Variants in CPQ observed in about 807,000 individuals in gnomAD.
The protein encoded by CPQ is carboxypeptidase Q.
A neutral mutation model predicts 45.7 loss-of-function variants in CPQ; 37 were observed. The ratio of observed to expected loss-of-function variants is 0.81; its 90% confidence interval spans 0.62 to 1.07. The LOEUF is 1.07. Ranked by LOEUF, CPQ falls within the 50% of genes least tolerant of loss-of-function variation. The pLI, the probability that CPQ is intolerant of heterozygous loss-of-function variation, is 0.00. For synonymous variants in CPQ, 186 were observed against 205.8 expected (o/e 0.90, Z 0.82); for missense variants, 537 against 572.9 (o/e 0.94, Z 0.64).
intron 5 of CPQ, among the ~76,000 whole-genome samples, chr8:96,970,718 C>T (rs978661326): frequency 2.0e-5 from 3 of 152,116 alleles, no homozygotes; most frequent in East Asian, 3.9e-4. Flanking sequence ...CGCCCGCTAC[C>T]ACGCCCGGCT....
At chr8:96,701,864 C>T (rs2130746237) in intron 1 of CPQ, among the ~76,000 whole-genome samples, 1 of 152,284 alleles carries the variant, frequency 6.6e-6, no homozygotes, top group South Asian at 2.1e-4. Context: ...TTTGTTTGTG[C>T]AATAGCTGTT....
chr8:96,645,726 C>CA (rs1563690732), intron 1 of CPQ, among the ~76,000 whole-genome samples: 2 of 151,982 alleles, frequency 1.3e-5, no homozygotes, highest in African/African-American at 4.8e-5. Flanking sequence ...GTTTCACTTC[C>CA]CCTCAGCTCC....
At chr8:96,761,392 T>G (rs1810403760) in intron 1 of CPQ, 1 of 152,234 alleles carries the variant, frequency 6.6e-6, no homozygotes, top group African/African-American at 2.4e-5. Flanking sequence ...GCGCCCTTAG[T>G]GTTCCTCTCC....
intron 4 of CPQ, among the ~76,000 whole-genome samples, chr8:96,882,870 A>T (rs78527492): frequency 6.6e-6 from 1 of 152,228 alleles, no homozygotes; most frequent in Non-Finnish European, 1.5e-5. Context: ...CCACTACTAC[A>T]ATTATAATAT....
intron 5 of CPQ, among the ~76,000 whole-genome samples, chr8:97,016,817 T>A (rs535560717): frequency 8.5e-5 from 13 of 152,152 alleles, no homozygotes; most frequent in South Asian, 6.2e-4. Context: ...TAACATGGCC[T>A]GTTCAGGGAC....
chr8:96,872,303 C>T (rs139735569), intron 3 of CPQ, among the ~76,000 whole-genome samples: 1 of 151,932 alleles, frequency 6.6e-6, no homozygotes. Flanking sequence ...TTTTGACTGC[C>T]ACTGGCCACA....
chr8:96,700,589 T>C (rs956230507), intron 1 of CPQ, among the ~76,000 whole-genome samples: 3 of 152,086 alleles, frequency 2.0e-5, no homozygotes, highest in South Asian at 2.1e-4. Context: ...TAGCACCACA[T>C]TGGTAAAGAC....
At chr8:96,990,762 A>C (rs191307173) in intron 5 of CPQ, among the ~76,000 whole-genome samples, 1 of 152,342 alleles carries the variant, frequency 6.6e-6, no homozygotes, top group East Asian at 1.9e-4. Context: ...GATGGAAACC[A>C]CAGGATGGGC....
At chr8:96,967,535 G>C (rs1196856585) in intron 5 of CPQ, among the ~76,000 whole-genome samples, 1 of 152,192 alleles carries the variant, frequency 6.6e-6, no homozygotes, top group Admixed American at 6.5e-5. Context: ...GAATTCAGTT[G>C]CATGGACAAA....
chr8:96,780,785 G>T, intron 1 of CPQ, among the ~76,000 whole-genome samples: 1 of 149,652 alleles, frequency 6.7e-6, no homozygotes, highest in East Asian at 2.0e-4. Flanking sequence ...CTCCCAAAGT[G>T]CTGGGATTAC....
intron 3 of CPQ, among the ~76,000 whole-genome samples, chr8:96,868,753 A>G (rs1812026153): frequency 6.6e-6 from 1 of 151,940 alleles, no homozygotes; most frequent in Non-Finnish European, 1.5e-5. Context: ...ATTGCTTATC[A>G]TAGTTTACAT....
At chr8:96,989,707 G>A (rs1043007199) in intron 5 of CPQ, among the ~76,000 whole-genome samples, 3 of 152,256 alleles carry the variant, frequency 2.0e-5, no homozygotes, top group Admixed American at 6.5e-5. Context: ...ATTCCTATTT[G>A]TTCTTTTTGT....
At chr8:96,945,909 A>G (rs940111610) in intron 4 of CPQ, among the ~76,000 whole-genome samples, 2 of 152,146 alleles carry the variant, frequency 1.3e-5, no homozygotes, top group Non-Finnish European at 2.9e-5. Context: ...AAAACTGGTG[A>G]TGCTGTGAAT....
chr8:96,980,587 C>T (rs552415770), intron 5 of CPQ, among the ~76,000 whole-genome samples: 94 of 152,256 alleles, frequency 6.2e-4, no homozygotes, highest in African/African-American at 2.2e-3. Context: ...ATTCTAATTG[C>T]CAAAACAGCA....
At chr8:96,793,458 G>T (rs1388204876) in intron 2 of CPQ, among the ~76,000 whole-genome samples, 4 of 152,068 alleles carry the variant, frequency 2.6e-5, no homozygotes, top group African/African-American at 7.2e-5. Flanking sequence ...CATGAGAACA[G>T]CATGGGAAGG....
intron 4 of CPQ, among the ~76,000 whole-genome samples, chr8:96,926,625 C>CTTCTTCCT (rs59043894): frequency 2.4e-3 from 138 of 58,442 alleles, no homozygotes; most frequent in African/African-American, 8.1e-3. Flanking sequence ...TTCTTCTTCT[C>CTTCTTCCT]CTCCTTCTCC....
chr8:96,854,157 G>A (rs1191702929), intron 3 of CPQ, among the ~76,000 whole-genome samples: 1 of 152,110 alleles, frequency 6.6e-6, no homozygotes, highest in Non-Finnish European at 1.5e-5. Context: ...CACAAAGCTG[G>A]GTTGCCACAT....
chr8:97,028,941 G>C (rs1445816498), intron 5 of CPQ, among the ~76,000 whole-genome samples: 1 of 152,164 alleles, frequency 6.6e-6, no homozygotes, highest in Non-Finnish European at 1.5e-5. Flanking sequence ...TGGGCATCTA[G>C]CTATGCTTGT....
chr8:96,730,751 A>G (rs1370030234), intron 1 of CPQ, among the ~76,000 whole-genome samples: 5 of 151,412 alleles, frequency 3.3e-5, no homozygotes, highest in Non-Finnish European at 5.9e-5. Flanking sequence ...AGAAATTCTG[A>G]TAGAATTTGT....
Sources: allele counts gnomAD v4.1 joint callset (sites outside exome capture counted in the v4.1 genomes callset), GRCh38; gene constraint gnomAD v4.1.1; transcripts MANE v1.5; gene names NCBI Gene and HGNC (gene_info 2026-07-23, HGNC 2026-07-21).